Variants in TRPM3 observed in about 807,000 individuals in gnomAD.
TRPM3 encodes transient receptor potential cation channel subfamily M member 3, also known as long transient receptor potential channel 3.
In TRPM3, 77 loss-of-function variants were observed where a neutral mutation model predicts 181.2. The observed-to-expected ratio is 0.42, with a 90% confidence interval of 0.35 to 0.51. TRPM3 has a LOEUF of 0.51. Among genes scored for constraint, TRPM3 ranks in the 20% least tolerant of loss-of-function variants. The probability of loss-of-function intolerance (pLI) is 0.01; values close to 1 mark genes in which losing one functional copy is unlikely to be tolerated. For missense variants in TRPM3, 1,759 were observed against 2,196.7 expected (o/e 0.80, Z 3.98); for synonymous variants, 745 against 796.4 (o/e 0.94, Z 1.09).
intron 1 of TRPM3, among the ~76,000 whole-genome samples, chr9:71,066,022 C>T (rs1034108407): frequency 6.6e-6 from 1 of 152,104 alleles, no homozygotes; most frequent in Non-Finnish European, 1.5e-5. Flanking sequence ...GTCTATGCAT[C>T]AGTACTTCTC....
intron 22 of TRPM3, among the ~76,000 whole-genome samples, chr9:70,561,614 C>G (rs1441209436): frequency 6.6e-6 from 1 of 152,188 alleles, no homozygotes; most frequent in African/African-American, 2.4e-5. Context: ...TCCCCTTTTA[C>G]TTCTTTTGTG....
At position 70,562,210 on chromosome 9, in the gene TRPM3, G is replaced by T. The variant is rs79265904; in HGVS notation, c.3224-8900C>A. Among the ~76,000 whole-genome samples, 995 of 152,284 alleles carry T rather than the reference G, an allele frequency of 6.5e-3. 29 individuals carry two copies. In the East Asian group the frequency reaches 0.098, roughly 15 times the overall value. On this transcript the variant is annotated intron_variant, in intron 22 of 25. Coordinates refer to ENST00000677713, the MANE Select transcript of TRPM3 (RefSeq NM_001366145.2). ...GGGGGTATGTGGTTGACTGAAGTTT[G>T]GGAAATGCTGGATTAGATTATCTCT...
At chr9:71,240,392 C>G (rs751986106) in intron 1 of TRPM3, among the ~76,000 whole-genome samples, 2 of 152,090 alleles carry the variant, frequency 1.3e-5, no homozygotes, top group Non-Finnish European at 2.9e-5. Context: ...CCCTGGTGTT[C>G]CATTTACTAG....
intron 5 of TRPM3, among the ~76,000 whole-genome samples, chr9:70,838,988 C>T (rs984746915): frequency 1.3e-5 from 2 of 152,032 alleles, no homozygotes; most frequent in African/African-American, 2.4e-5. Context: ...ACTGTTTTAC[C>T]GCCACACCCA....
At chr9:70,929,946 CATA>C (rs754542359) in intron 1 of TRPM3, among the ~76,000 whole-genome samples, 1 of 152,146 alleles carries the variant, frequency 6.6e-6, no homozygotes, top group Non-Finnish European at 1.5e-5. Flanking sequence ...AGTGGATGTA[CATA>C]ATATGATTGG....
At chr9:70,764,430 G>C (rs892915959) in intron 7 of TRPM3, among the ~76,000 whole-genome samples, 1 of 152,172 alleles carries the variant, frequency 6.6e-6, no homozygotes, top group African/African-American at 2.4e-5. Flanking sequence ...CCAACCATCT[G>C]TAATGAAATC....
At chr9:70,626,260 C>T (rs1374193138) in intron 12 of TRPM3, among the ~76,000 whole-genome samples, 1 of 152,164 alleles carries the variant, frequency 6.6e-6, no homozygotes, top group African/African-American at 2.4e-5. Context: ...GTGAGAAAGT[C>T]TGAGTGCATA....
At chr9:71,184,720 C>T (rs4745064) in intron 1 of TRPM3, among the ~76,000 whole-genome samples, 65,568 of 151,962 alleles carry the variant, frequency 0.43, 14,533 homozygotes, top group East Asian at 0.52. Flanking sequence ...CTTGTTGCCC[C>T]ATTTTTTTCT....
intron 1 of TRPM3, among the ~76,000 whole-genome samples, chr9:70,902,307 A>G (rs2096398467): frequency 6.6e-6 from 1 of 152,184 alleles, no homozygotes; most frequent in African/African-American, 2.4e-5. Context: ...TATTCACACA[A>G]CAAAGCTGAG....
At chr9:70,881,377 A>C (rs965493880) in intron 1 of TRPM3, among the ~76,000 whole-genome samples, 1 of 152,086 alleles carries the variant, frequency 6.6e-6, no homozygotes, top group African/African-American at 2.4e-5. Context: ...TGACCGCCCT[A>C]CCACCACCCC....
chr9:70,744,395 T>C (rs1346281919), intron 8 of TRPM3, among the ~76,000 whole-genome samples: 1 of 152,032 alleles, frequency 6.6e-6, no homozygotes, highest in Non-Finnish European at 1.5e-5. Context: ...TTGCTCTTCA[T>C]TTGTATAGTC....
intron 1 of TRPM3, among the ~76,000 whole-genome samples, chr9:71,333,031 T>C (rs1397958712): frequency 6.6e-6 from 1 of 151,890 alleles, no homozygotes; most frequent in East Asian, 1.9e-4. Flanking sequence ...GTATAATACT[T>C]GGACTCCACG....
intron 1 of TRPM3, among the ~76,000 whole-genome samples, chr9:70,921,938 A>C (rs145136588): frequency 0.012 from 852 of 72,882 alleles, 6 homozygotes; most frequent in Non-Finnish European, 0.017. Flanking sequence ...CACACACACA[A>C]ACAAACACAC....
At chr9:70,816,370 A>C (rs974998686) in intron 6 of TRPM3, among the ~76,000 whole-genome samples, 1 of 152,228 alleles carries the variant, frequency 6.6e-6, no homozygotes, top group South Asian at 2.1e-4. Flanking sequence ...TTGGTGTAAG[A>C]ATCCTTTAAA....
intron 1 of TRPM3, among the ~76,000 whole-genome samples, chr9:71,201,607 G>T (rs1464084224): frequency 1.3e-5 from 2 of 151,928 alleles, no homozygotes; most frequent in African/African-American, 4.8e-5. Flanking sequence ...TTCCCTTCCC[G>T]CTTCATTTCA....
At chr9:71,087,839 T>C (rs1285981572) in intron 1 of TRPM3, among the ~76,000 whole-genome samples, 1 of 152,134 alleles carries the variant, frequency 6.6e-6, no homozygotes, top group African/African-American at 2.4e-5. Flanking sequence ...GGTATAATTG[T>C]ACTTTGAAAA....
At chr9:70,778,017 C>T (rs1225727111) in intron 7 of TRPM3, among the ~76,000 whole-genome samples, 1 of 149,786 alleles carries the variant, frequency 6.7e-6, no homozygotes, top group East Asian at 2.0e-4. Flanking sequence ...ACACACAAAA[C>T]ACTGCCACAC....
At chr9:70,936,998 A>G (rs1018818625) in intron 1 of TRPM3, among the ~76,000 whole-genome samples, 22 of 152,214 alleles carry the variant, frequency 1.4e-4, no homozygotes, top group Non-Finnish European at 2.9e-4. Context: ...AACTTAGCCT[A>G]TTGCATAAAT....
At chr9:71,365,995 T>C (rs981264878) in intron 1 of TRPM3, among the ~76,000 whole-genome samples, 2 of 152,086 alleles carry the variant, frequency 1.3e-5, no homozygotes, top group Non-Finnish European at 2.9e-5. Context: ...GGGTGCATGT[T>C]AGGTAGGAAT....
Sources: allele counts gnomAD v4.1 joint callset (sites outside exome capture counted in the v4.1 genomes callset), GRCh38; gene constraint gnomAD v4.1.1; transcripts MANE v1.5; gene names NCBI Gene and HGNC (gene_info 2026-07-23, HGNC 2026-07-21).